Variants in TEP1 observed in about 807,000 individuals in gnomAD.
TEP1 encodes the protein telomerase protein component 1.
A neutral mutation model predicts 306.3 loss-of-function variants in TEP1; 241 were observed. That is an observed-to-expected ratio of 0.79 (90% CI 0.71 to 0.88). The LOEUF (loss-of-function observed/expected upper bound fraction) is 0.88. Ranked by LOEUF, TEP1 falls within the 40% of genes least tolerant of loss-of-function variation. The pLI is 0.00. For missense variants in TEP1, 3,051 were observed against 3,276.1 expected (o/e 0.93, Z 1.68); for synonymous variants, 1,289 against 1,305.5 (o/e 0.99, Z 0.27).
intron 1 of TEP1, among the ~76,000 whole-genome samples, chr14:20,412,868 C>T (rs1879783528): frequency 1.3e-5 from 2 of 151,960 alleles, no homozygotes; most frequent in South Asian, 4.2e-4. Context: ...CCATGTTGGT[C>T]AGGCTGGTCT....
rs113860426 is a variant in TEP1 at position 20,391,785 on chromosome 14, A to G, written c.1929-18T>C. ...TCCACTGTCTACATGCAAGAAAGACACAGACACAGGGGCTCAGGGACTTAT... is the reference window on the plus strand; with the variant it reads ...TCCACTGTCTACATGCAAGAAAGACGCAGACACAGGGGCTCAGGGACTTAT... On this transcript the variant is annotated intron_variant, in intron 12 of 54. Transcript: ENST00000262715. 5,620 of 1,612,396 alleles carry G rather than the reference A, an allele frequency of 3.5e-3. 143 individuals carry two copies. In the African/African-American group the frequency reaches 0.06, roughly 17 times the overall value.
intron 9 of TEP1, among the ~76,000 whole-genome samples, chr14:20,399,038 T>C (rs1266997702): frequency 6.6e-6 from 1 of 152,020 alleles, no homozygotes; most frequent in Non-Finnish European, 1.5e-5. Context: ...ACCACAGACA[T>C]CAACCACCAT....
chr14:20,373,422 A>T lies in TEP1; in HGVS notation c.6682-20T>A. ...GCACACCTAGGAGGAAGGGATGGAG[A>T]TGGGCTCATGAGAGTGGGCACAACA... On this transcript the variant is annotated intron_variant, in intron 46 of 54. Coordinates refer to ENST00000262715, the MANE Select transcript of TEP1 (RefSeq NM_007110.5). 17 of 1,614,006 alleles carry T rather than the reference A, an allele frequency of 1.1e-5. No homozygotes were observed. The highest frequency in any genetic ancestry group is 1.4e-5 in the Non-Finnish European group (17 of 1,179,950).
intron 17 of TEP1, among the ~76,000 whole-genome samples, 197 bp from the exon 18 acceptor site, chr14:20,388,260 G>A (rs901116525): frequency 2.0e-5 from 3 of 152,200 alleles, no homozygotes; most frequent in Non-Finnish European, 2.9e-5. Flanking sequence ...TGAAGGAAAA[G>A]AGAAGCCCAG....
chr14:20,400,902 G>A (rs1160539224), intron 9 of TEP1, 82 bp downstream of exon 9: 1 of 1,520,922 alleles, frequency 6.6e-7, no homozygotes, highest in South Asian at 1.2e-5. Context: ...TCATTCCACA[G>A]AAATCTTCTA....
At chr14:20,371,393 A>G in intron 50 of TEP1, 79 bp from the exon 51 acceptor site, 1 of 1,597,160 alleles carries the variant, frequency 6.3e-7, no homozygotes, top group Non-Finnish European at 8.6e-7. Context: ...TTAAGACTCC[A>G]GAGTTTTCTT....
At chr14:20,393,790 A>C (rs372668034) in intron 12 of TEP1, among the ~76,000 whole-genome samples, 12 of 151,946 alleles carry the variant, frequency 7.9e-5, no homozygotes, top group South Asian at 2.1e-4. Context: ...TCAATTAAAA[A>C]AAAAAAAAGA....
At chr14:20,393,982 G>A (rs539047017) in intron 12 of TEP1, among the ~76,000 whole-genome samples, 6 of 152,226 alleles carry the variant, frequency 3.9e-5, no homozygotes, top group Non-Finnish European at 7.4e-5. Context: ...AGCTACTTGG[G>A]AGGCTGAGGC....
chr14:20,396,095 A>G, intron 10 of TEP1, 146 bp from the exon 11 acceptor site: 1 of 530,078 alleles, frequency 1.9e-6, no homozygotes, highest in South Asian at 3.5e-5. Flanking sequence ...AATAAGAAGA[A>G]AGAAAAAAGT....
In TEP1 at chr14:20,373,687, G is replaced by C; in HGVS notation, c.6595C>G (p.Pro2199Ala). Reference sequence around the variant, plus strand: ...GCTGACGTTTTGTTACCTGCACGGGGCTCCATGGCAGCTGCACAGTGGCTA... The same window carrying C: ...GCTGACGTTTTGTTACCTGCACGGGCCTCCATGGCAGCTGCACAGTGGCTA... ...PISHCAAAMEPRAAGQPGSEL... is the reference protein window; with the variant it reads ...PISHCAAAMEARAAGQPGSEL... The change falls in exon 45 of 55, where the codon CCC becomes GCC. Residue 2199 changes from proline to alanine, a missense_variant. By Grantham distance (27) the Pro-to-Ala change is conservative. This residue lies in a region of TEP1 where 1,540 missense variants were observed against 1,705.9 expected (regional missense o/e 0.90). Transcript: ENST00000262715. 6.2e-7 allele frequency: 1 copy of C among 1,614,218 alleles called. No individual in the cohort carries two copies. The highest frequency in any genetic ancestry group is 8.5e-7 in the Non-Finnish European group (1 of 1,180,054).
intron 28 of TEP1, 33 bp downstream of exon 28, chr14:20,382,590 G>A: frequency 2.5e-6 from 4 of 1,609,252 alleles, no homozygotes; most frequent in Non-Finnish European, 2.6e-6. Flanking sequence ...ATGGGAAGTA[G>A]TGATTAGGAC....
chr14:20,381,538 T>C lies in TEP1; in HGVS notation c.4558+15A>G, dbSNP rs369052507. The C allele has an allele frequency of 2.0e-5, 32 of 1,613,300 alleles. No individual in the cohort carries two copies. Among genetic ancestry groups the C allele is most frequent in the South Asian group, 6.6e-5 (6 of 91,086 alleles). The stretch of plus-strand genomic sequence containing the variant: ...CCCCACACTCAGTGCCCAGGCTGAC[T>C]TGGGCTGCAATCACCTGCAATGAGG... On this transcript the variant is annotated intron_variant, in intron 31 of 54. Transcript: ENST00000262715. This position sits in a 1 kb window ranked among gnomAD's most constrained non-coding sequence, Gnocchi z 4.0.
At position 20,387,551 on chromosome 14, in the gene TEP1, C is replaced by CAAAAAAAAAAAAAAAAAA. The variant is rs34816712; in HGVS notation, c.2684+353_2684+354insTTTTTTTTTTTTTTTTTT. 3.1e-4 allele frequency among the ~76,000 whole-genome samples: 39 copies of CAAAAAAAAAAAAAAAAAA among 127,662 alleles called. 1 individual carries two copies. The highest frequency in any genetic ancestry group is 9.5e-4 in the African/African-American group (32 of 33,862). 83.8% of individuals were successfully genotyped at this position (127,662 alleles called of 152,430 possible). On this transcript the variant is annotated intron_variant, in intron 18 of 54. Coordinates refer to ENST00000262715, the MANE Select transcript of TEP1 (RefSeq NM_007110.5). ...TGGGCGACACAGCGAGACTCCGTCT[C>CAAAAAAAAAAAAAAAAAA]AAAAAAAAAAAGAAATTAAGCAACT...
intron 12 of TEP1, 25 bp from the exon 13 acceptor site, chr14:20,391,792 C>T: frequency 6.2e-7 from 1 of 1,610,284 alleles, no homozygotes; most frequent in Non-Finnish European, 8.5e-7. Context: ...GACACAGACA[C>T]AGGGGCTCAG....
At chr14:20,375,693 G>A (rs74336549) in intron 43 of TEP1, 62 bp downstream of exon 43, 12,926 of 1,030,062 alleles carry the variant, frequency 0.013, 114 homozygotes, top group Non-Finnish European at 0.017. Flanking sequence ...GACGAGGTGG[G>A]GAGTGTTGTC....
chr14:20,368,347 T>G lies in TEP1; in HGVS notation c.*90A>C. 7.1e-7 allele frequency: 1 copy of G among 1,409,764 alleles called. No homozygotes were observed. Among genetic ancestry groups the G allele is most frequent in the Non-Finnish European group, 9.5e-7 (1 of 1,051,042 alleles). The allele number at this position is 1,409,764 out of a possible 1,614,324, so 87.3% of individuals were successfully genotyped here. A position where few individuals can be genotyped will look rare whatever the true frequency, so the allele number is the denominator to read the frequency against. On this transcript the variant is annotated 3_prime_UTR_variant, in exon 55 of 55. Transcript: ENST00000262715. The stretch of plus-strand genomic sequence containing the variant: ...TTCATTTTTATAATTATCAAGAAAT[T>G]ATTAATTTTATAATTATTAAAAGCT...
chr14:20,384,895 C>T (rs1229681281), intron 21 of TEP1, 90 bp downstream of exon 21: 3 of 1,583,856 alleles, frequency 1.9e-6, no homozygotes, highest in East Asian at 4.6e-5. Context: ...TCATAGCACT[C>T]CCCTTCTATA....
At chr14:20,385,434 G>A (rs867064498) in intron 20 of TEP1, among the ~76,000 whole-genome samples, 31 of 151,690 alleles carry the variant, frequency 2.0e-4, no homozygotes, top group Middle Eastern at 6.4e-3. Flanking sequence ...GTGCAATGGC[G>A]CAATCTTGGC....
intron 15 of TEP1, 121 bp from the exon 16 acceptor site, chr14:20,389,861 G>C: frequency 7.7e-7 from 1 of 1,301,138 alleles, no homozygotes; most frequent in Non-Finnish European, 1.0e-6. Context: ...CCTCTCCTGA[G>C]AGCACATAGA....
Sources: allele counts gnomAD v4.1 joint callset (sites outside exome capture counted in the v4.1 genomes callset), GRCh38; gene constraint gnomAD v4.1.1; regional missense constraint gnomAD v4.1.1; non-coding constraint Gnocchi (gnomAD v3.1); transcripts MANE v1.5; gene names NCBI Gene and HGNC (gene_info 2026-07-23, HGNC 2026-07-21).